ELOVL6: variants seen among roughly 807,000 people sequenced by gnomAD.
The protein encoded by ELOVL6 is ELOVL fatty acid elongase 6.
ELOVL6 carries 8 observed loss-of-function variants against 31.7 expected under a neutral mutation model. The observed-to-expected ratio is 0.25, with a 90% CI of 0.15 to 0.45. ELOVL6 has a LOEUF of 0.45. Among genes scored for constraint, ELOVL6 ranks in the 20% least tolerant of loss-of-function variants. The probability of loss-of-function intolerance (pLI) is 1.00; values close to 1 mark genes in which losing one functional copy is unlikely to be tolerated. For synonymous variants in ELOVL6, 101 were observed against 117.7 expected (o/e 0.86, Z 0.92); for missense variants, 126 against 326.4 (o/e 0.39, Z 4.73).
chr4:110,191,317 C>G (rs1463484728), intron 1 of ELOVL6, among the ~76,000 whole-genome samples: 1 of 152,076 alleles, frequency 6.6e-6, no homozygotes, highest in Admixed American at 6.6e-5. Context: ...TACAATATAG[C>G]CAAGTCATAG....
chr4:110,145,791 G>T (rs1368854747), intron 1 of ELOVL6, among the ~76,000 whole-genome samples: 4 of 151,882 alleles, frequency 2.6e-5, no homozygotes, highest in Non-Finnish European at 5.9e-5. Flanking sequence ...AGAAAAGAGT[G>T]CCAAACAAAA....
chr4:110,124,797 C>A (rs1009119360), intron 1 of ELOVL6, among the ~76,000 whole-genome samples: 1 of 151,996 alleles, frequency 6.6e-6, no homozygotes, highest in Non-Finnish European at 1.5e-5. Flanking sequence ...AAGGCTAGTT[C>A]TTGAAGAAAC....
rs551558601 is a variant in ELOVL6 at position 110,167,391 on chromosome 4, T to C, written c.89+30856A>G. Among the ~76,000 whole-genome samples the C allele has an allele frequency of 1.4e-4, 21 of 152,334 alleles. No homozygotes were observed. In the South Asian group the frequency reaches 4.1e-3, roughly 30 times the overall value. ...CCTTGTTATTATACATGCTGTTTCA[T>C]AAGCAGAGTTTTCTGCAACATGTGG... On this transcript the variant is annotated intron_variant, in intron 1 of 3. Transcript: ENST00000302274.
chr4:110,128,368 T>A (rs1040764062), intron 1 of ELOVL6, among the ~76,000 whole-genome samples: 2 of 152,194 alleles, frequency 1.3e-5, no homozygotes, highest in Non-Finnish European at 2.9e-5. Flanking sequence ...TTTTTCATCT[T>A]AAGAGTAATG....
Position 110,051,295 on chromosome 4 carries a change from T to C in ELOVL6, c.*43A>G. Reference sequence around the variant, plus strand: ...TGCCATTTTCTTTTGTCTATTATTTTTCTTGATGACCCTGAGCTATGGCTT... The same window carrying C: ...TGCCATTTTCTTTTGTCTATTATTTCTCTTGATGACCCTGAGCTATGGCTT... On this transcript the variant is annotated 3_prime_UTR_variant, in exon 4 of 4. Coordinates refer to ENST00000302274, the MANE Select transcript of ELOVL6 (RefSeq NM_024090.3). This position sits in a 1 kb window ranked among gnomAD's most constrained non-coding sequence, Gnocchi z 4.8. The C allele has an allele frequency of 6.3e-7, 1 of 1,575,184 alleles. No homozygotes were observed. Among genetic ancestry groups the C allele is most frequent in the South Asian group, 1.2e-5 (1 of 84,744 alleles).
chr4:110,056,125 G>C (rs181030754), intron 3 of ELOVL6, among the ~76,000 whole-genome samples: 29 of 142,056 alleles, frequency 2.0e-4, no homozygotes, highest in South Asian at 2.3e-4. Context: ...TGGGAGCTGG[G>C]GGGGGGGATA....
In ELOVL6 at chr4:110,105,601, C is replaced by A; in HGVS notation, c.117G>T (p.Leu39=). The change falls in exon 2 of 4, where the codon CTG becomes CTT. Residue 39 remains leucine, a synonymous_variant. Coordinates refer to ENST00000302274, the MANE Select transcript of ELOVL6 (RefSeq NM_024090.3). Reference sequence around the variant, plus strand: ...GACCACCGAATATAAAGGCAGCATACAGAGCAGAAAACAGGAAAGATTTCT... The same window carrying A: ...GACCACCGAATATAAAGGCAGCATAAAGAGCAGAAAACAGGAAAGATTTCT... ...NWKKSFLFSA[L]YAAFIFGGRH... The A allele has an allele frequency of 6.2e-7, 1 of 1,613,226 alleles. No homozygotes were observed. Among genetic ancestry groups the A allele is most frequent in the South Asian group, 1.1e-5 (1 of 90,920 alleles).
chr4:110,094,444 A>T (rs2106997), intron 2 of ELOVL6, among the ~76,000 whole-genome samples: 7,172 of 32,198 alleles, frequency 0.22, 360 homozygotes, highest in Non-Finnish European at 0.3. Flanking sequence ...TATATATATA[A>T]TATATATAAC....
chr4:110,164,654 C>T lies in ELOVL6; in HGVS notation c.89+33593G>A, dbSNP rs928810999. Among the ~76,000 whole-genome samples the T allele has an allele frequency of 4.0e-5, 6 of 149,792 alleles. No individual in the cohort carries two copies. The South Asian group carries it at 6.4e-4, about 16-fold the overall frequency. On this transcript the variant is annotated intron_variant, in intron 1 of 3. Transcript: ENST00000302274. ...ACTCAGGAGGATGAGGTGGGAGGACCGCTTGAGCCCAGGGAGGTCAAGGCT... is the reference window on the plus strand; with the variant it reads ...ACTCAGGAGGATGAGGTGGGAGGACTGCTTGAGCCCAGGGAGGTCAAGGCT...
chr4:110,170,203 C>T (rs1239145517), intron 1 of ELOVL6, among the ~76,000 whole-genome samples: 3 of 152,144 alleles, frequency 2.0e-5, no homozygotes, highest in African/African-American at 7.2e-5. Context: ...TTTGAAAAGA[C>T]AAGTTCTCTA....
intron 1 of ELOVL6, among the ~76,000 whole-genome samples, chr4:110,131,646 CAAA>C (rs1199457886): frequency 6.6e-6 from 1 of 151,646 alleles, no homozygotes; most frequent in Non-Finnish European, 1.5e-5. Flanking sequence ...AGAAAAAAAA[CAAA>C]AACTCCAATC....
At chr4:110,144,670 C>T (rs568653723) in intron 1 of ELOVL6, among the ~76,000 whole-genome samples, 2 of 152,082 alleles carry the variant, frequency 1.3e-5, no homozygotes, top group Non-Finnish European at 2.9e-5. Flanking sequence ...ATAATGGATG[C>T]AGTTAGTGTC....
intron 1 of ELOVL6, among the ~76,000 whole-genome samples, chr4:110,163,855 G>A (rs1758697051): frequency 1.3e-5 from 2 of 152,182 alleles, no homozygotes; most frequent in Admixed American, 1.3e-4. Flanking sequence ...CTGTAAGATC[G>A]AATGGTGAGT....
chr4:110,154,083 T>C (rs1468971525), intron 1 of ELOVL6, among the ~76,000 whole-genome samples: 1 of 152,092 alleles, frequency 6.6e-6, no homozygotes, highest in Non-Finnish European at 1.5e-5. Context: ...TCTTTTCTTT[T>C]GTTTTCTTTT....
chr4:110,111,915 G>C, intron 1 of ELOVL6, among the ~76,000 whole-genome samples: 1 of 152,238 alleles, frequency 6.6e-6, no homozygotes, highest in African/African-American at 2.4e-5. Context: ...CAAGTTTGCA[G>C]TAAGTTGTGA....
chr4:110,185,995 C>T (rs887236633), intron 1 of ELOVL6, among the ~76,000 whole-genome samples: 3 of 151,914 alleles, frequency 2.0e-5, no homozygotes, highest in African/African-American at 7.2e-5. Flanking sequence ...TTCGAGACCA[C>T]CCTGGCTAAC....
intron 1 of ELOVL6, among the ~76,000 whole-genome samples, chr4:110,153,674 C>T (rs1007394057): frequency 6.6e-6 from 1 of 152,158 alleles, no homozygotes; most frequent in Non-Finnish European, 1.5e-5. Context: ...GAAATTGAAG[C>T]TTTTGAAACC....
intron 2 of ELOVL6, among the ~76,000 whole-genome samples, chr4:110,084,169 A>ATATAACATATAACT (rs1756060224): frequency 2.3e-5 from 1 of 43,092 alleles, no homozygotes; most frequent in African/African-American, 1.6e-4. Context: ...TATATGTGAT[A>ATATAACATATAACT]TATATGATAT....
intron 2 of ELOVL6, among the ~76,000 whole-genome samples, chr4:110,084,255 A>T (rs1261868975): frequency 7.3e-6 from 1 of 136,732 alleles, no homozygotes; most frequent in African/African-American, 2.7e-5. Context: ...TATATATAAC[A>T]TATAGCTTAT....
Sources: allele counts gnomAD v4.1 joint callset (sites outside exome capture counted in the v4.1 genomes callset), GRCh38; gene constraint gnomAD v4.1.1; non-coding constraint Gnocchi (gnomAD v3.1); transcripts MANE v1.5; gene names NCBI Gene and HGNC (gene_info 2026-07-23, HGNC 2026-07-21).